Variants in KHDRBS2 observed in about 807,000 individuals in gnomAD.
The protein encoded by KHDRBS2 is KH domain-containing, RNA-binding, signal transduction-associated protein 2.
In KHDRBS2, 26 loss-of-function variants were observed where a neutral mutation model predicts 44.3. That is an observed-to-expected ratio of 0.59 (90% confidence interval 0.43 to 0.81). KHDRBS2 has a LOEUF of 0.81. KHDRBS2 is among the 40% of genes least tolerant of loss of function. KHDRBS2 has a pLI of 0.00. For missense variants in KHDRBS2, 476 were observed against 433.1 expected (o/e 1.10, Z -0.88); for synonymous variants, 194 against 151.1 (o/e 1.28, Z -2.08).
At chr6:62,272,197 G>T (rs563867038) in intron 1 of KHDRBS2, among the ~76,000 whole-genome samples, 1 of 152,298 alleles carries the variant, frequency 6.6e-6, no homozygotes, top group African/African-American at 2.4e-5. Context: ...AGGAACAATA[G>T]CTGTACCATA....
intron 2 of KHDRBS2, among the ~76,000 whole-genome samples, chr6:62,055,191 C>T (rs1435592364): frequency 6.6e-6 from 1 of 151,806 alleles, no homozygotes; most frequent in Non-Finnish European, 1.5e-5. Context: ...AGATGGTTGA[C>T]ATTACATGTT....
chr6:61,750,993 T>A (rs1428652192), intron 6 of KHDRBS2, among the ~76,000 whole-genome samples: 1 of 152,128 alleles, frequency 6.6e-6, no homozygotes, highest in Non-Finnish European at 1.5e-5. Flanking sequence ...TATAATTTTA[T>A]ATTACTTTAT....
At chr6:61,676,556 CTATG>C (rs1765955970), downstream of KHDRBS2, among the ~76,000 whole-genome samples, 2 of 151,848 alleles carry the variant, frequency 1.3e-5, no homozygotes, top group South Asian at 4.1e-4. Flanking sequence ...CAGCACTGGT[CTATG>C]TTGAAGCTAC....
At chr6:61,768,067 CTT>C (rs1157708663) in intron 6 of KHDRBS2, among the ~76,000 whole-genome samples, 1 of 152,036 alleles carries the variant, frequency 6.6e-6, no homozygotes, top group Non-Finnish European at 1.5e-5. Context: ...CTGGAAAAGT[CTT>C]TATTTTTCCT....
intron 4 of KHDRBS2, among the ~76,000 whole-genome samples, chr6:61,969,954 TTCCATATTATAG>T (rs1770975098): frequency 6.6e-6 from 1 of 151,942 alleles, no homozygotes; most frequent in Non-Finnish European, 1.5e-5. Context: ...CAACTAAAGT[TTCCATATTATAG>T]AAGTCAAGCC....
At chr6:62,093,878 GTGTGTGTGTGTGTGTA>G (rs1264626189) in intron 2 of KHDRBS2, among the ~76,000 whole-genome samples, 1 of 149,598 alleles carries the variant, frequency 6.7e-6, no homozygotes, top group African/African-American at 2.5e-5. Context: ...GTGTGTGTGT[GTGTGTGTGTGTGTGTA>G]TATCACATTT....
chr6:61,814,989 GT>G (rs1788684772), intron 6 of KHDRBS2, among the ~76,000 whole-genome samples: 1 of 151,956 alleles, frequency 6.6e-6, no homozygotes, highest in Non-Finnish European at 1.5e-5. Context: ...TGGATTACTT[GT>G]AATACCTACT....
chr6:61,981,056 A>G (rs1308958379), intron 3 of KHDRBS2, among the ~76,000 whole-genome samples: 2 of 152,150 alleles, frequency 1.3e-5, no homozygotes, highest in Non-Finnish European at 2.9e-5. Context: ...TATGTATAAT[A>G]CAGGCCCTGT....
intron 6 of KHDRBS2, among the ~76,000 whole-genome samples, chr6:61,800,697 T>C (rs191397439): frequency 7.9e-4 from 120 of 152,244 alleles, no homozygotes; most frequent in Non-Finnish European, 1.5e-3. Flanking sequence ...CCTTCATGTG[T>C]CCACCCTTAT....
the KHDRBS2 span, among the ~76,000 whole-genome samples, chr6:61,571,490 C>T: frequency 6.7e-6 from 1 of 149,198 alleles, no homozygotes; most frequent in Admixed American, 6.8e-5. Flanking sequence ...TGATATTCCA[C>T]TGACAGCAAT....
At chr6:61,777,254 G>A (rs181237228) in intron 6 of KHDRBS2, among the ~76,000 whole-genome samples, 133 of 151,900 alleles carry the variant, frequency 8.8e-4, no homozygotes, top group Non-Finnish European at 1.5e-3. Context: ...AAACCTGCAC[G>A]TTGTGCACAT....
chr6:62,201,481 C>T (rs1017738601), intron 1 of KHDRBS2, among the ~76,000 whole-genome samples: 2 of 151,954 alleles, frequency 1.3e-5, no homozygotes, highest in African/African-American at 4.8e-5. Flanking sequence ...ATTTACCTAG[C>T]ATATAAATAG....
At chr6:62,144,062 C>T (rs976722111) in intron 2 of KHDRBS2, among the ~76,000 whole-genome samples, 4 of 151,864 alleles carry the variant, frequency 2.6e-5, no homozygotes, top group African/African-American at 9.7e-5. Context: ...AAACATCTTT[C>T]AAAATTGACT....
intron 2 of KHDRBS2, among the ~76,000 whole-genome samples, chr6:62,123,865 C>A (rs370351624): frequency 6.6e-6 from 1 of 152,166 alleles, no homozygotes; most frequent in African/African-American, 2.4e-5. Flanking sequence ...TTTGTTGACA[C>A]ATTTGCATTT....
intron 2 of KHDRBS2, among the ~76,000 whole-genome samples, chr6:62,072,626 T>A (rs1795414674): frequency 2.0e-5 from 3 of 152,200 alleles, no homozygotes; most frequent in South Asian, 2.1e-4. Flanking sequence ...TGGTTCTGTT[T>A]ATATGCTGGA....
the KHDRBS2 span, among the ~76,000 whole-genome samples, chr6:61,602,034 G>A: frequency 1.3e-5 from 2 of 152,096 alleles, no homozygotes; most frequent in Non-Finnish European, 2.9e-5. Flanking sequence ...TTATTTGGCA[G>A]CAACCCTGAG....
chr6:61,808,530 C>A (rs1466510014), intron 6 of KHDRBS2, among the ~76,000 whole-genome samples: 1 of 152,032 alleles, frequency 6.6e-6, no homozygotes, highest in African/African-American at 2.4e-5. Context: ...AATGTGATTT[C>A]TCAGTGAGAT....
intron 2 of KHDRBS2, among the ~76,000 whole-genome samples, chr6:62,078,308 G>GT (rs1796730583): frequency 6.6e-6 from 1 of 151,898 alleles, no homozygotes; most frequent in Non-Finnish European, 1.5e-5. Flanking sequence ...ATAATTGTGG[G>GT]TTTTTTGGTG....
intron 2 of KHDRBS2, among the ~76,000 whole-genome samples, chr6:62,151,210 A>G (rs1815109099): frequency 1.3e-5 from 2 of 152,146 alleles, no homozygotes; most frequent in Admixed American, 1.3e-4. Flanking sequence ...TCATCTCTAA[A>G]TTGAACATAA....
Sources: gnomAD v4.1 joint callset for allele counts (sites outside exome capture counted in the v4.1 genomes callset) on GRCh38, gnomAD v4.1.1 for gene constraint, MANE v1.5 for transcripts, NCBI Gene and HGNC (gene_info 2026-07-23, HGNC 2026-07-21) for gene names.